ZC3H14: variants seen among roughly 807,000 people sequenced by gnomAD.
ZC3H14 encodes zinc finger CCCH-type containing 14, also known as zinc finger CCCH domain-containing protein 14.
Under a neutral mutation model 92.4 loss-of-function variants are expected in ZC3H14, and 31 were observed. That is an observed-to-expected ratio of 0.34 (90% confidence interval 0.25 to 0.45). The LOEUF is 0.45. Among genes scored for constraint, ZC3H14 ranks in the 20% least tolerant of loss-of-function variants. The probability of loss-of-function intolerance (pLI) is 1.00; values close to 1 mark genes in which losing one functional copy is unlikely to be tolerated. For synonymous variants in ZC3H14, 321 were observed against 300.9 expected (o/e 1.07, Z -0.69); for missense variants, 781 against 897.3 (o/e 0.87, Z 1.66).
intron 16 of ZC3H14, among the ~76,000 whole-genome samples, chr14:88,611,350 C>T (rs1399896961): frequency 6.6e-6 from 1 of 152,138 alleles, no homozygotes. Flanking sequence ...CCACCGTGGC[C>T]TTCCAAAGTA....
At position 88,625,083 on chromosome 14, in the gene ZC3H14, C is replaced by T; in HGVS notation, c.*13332C>T. ...TTCTACACAATATGTGATCTTTCCA[C>T]ACACAGACATCACCACTGATGGTAC... On this transcript the variant is annotated 3_prime_UTR_variant, in exon 17 of 17. Transcript: ENST00000251038. 1.2e-6 allele frequency: 2 copies of T among 1,613,956 alleles called. No homozygotes were observed. Among genetic ancestry groups the T allele is most frequent in the Non-Finnish European group, 1.7e-6 (2 of 1,179,856 alleles).
chr14:88,584,068 A>AGCG (rs1264435695), intron 9 of ZC3H14, among the ~76,000 whole-genome samples: 1 of 139,250 alleles, frequency 7.2e-6, no homozygotes, highest in East Asian at 2.0e-4. Context: ...CCCTCTGCAA[A>AGCG]AAAGATGTTT....
chr14:88,618,144 G>A lies in ZC3H14; in HGVS notation c.*6393G>A. The A allele has an allele frequency of 2.7e-6, 3 of 1,110,204 alleles. No individual in the cohort carries two copies. Among genetic ancestry groups the A allele is most frequent in the Admixed American group, 4.1e-5 (2 of 48,804 alleles). The allele number at this position is 1,110,204 out of a possible 1,614,324, so 68.8% of individuals were successfully genotyped here. ...TGAAACTCAATTACTATTCCTTATT[G>A]GAATGGCTCTAACAGTTCAGAAATA... On this transcript the variant is annotated 3_prime_UTR_variant, in exon 17 of 17. Coordinates refer to ENST00000251038, the MANE Select transcript of ZC3H14 (RefSeq NM_024824.5).
rs1448175817 is a variant in ZC3H14 at position 88,627,377 on chromosome 14, AATAC to A, written c.*15630_*15633del. The A allele has an allele frequency of 2.1e-6, 1 of 476,080 alleles. No individual in the cohort carries two copies. The allele number at this position is 476,080 out of a possible 1,614,324, so 29.5% of individuals were successfully genotyped here. A position where few individuals can be genotyped will look rare whatever the true frequency, so the allele number is the denominator to read the frequency against. Reference sequence around the variant, plus strand: ...AAAACCAATCAAATCATTAATAATAAATACATAGTTTCTTGCTGGAAGAAAATAG... The same window carrying A: ...AAAACCAATCAAATCATTAATAATAAATAGTTTCTTGCTGGAAGAAAATAG... On this transcript the variant is annotated 3_prime_UTR_variant, in exon 17 of 17. Coordinates refer to ENST00000251038, the MANE Select transcript of ZC3H14 (RefSeq NM_024824.5).
In ZC3H14 at chr14:88,594,615, T is replaced by G. The variant is rs570763408; in HGVS notation, c.1280-2119T>G. 2.1e-3 allele frequency: 3,327 copies of G among 1,596,382 alleles called. 5 individuals are homozygous for G. The highest frequency in any genetic ancestry group is 2.4e-3 in the Non-Finnish European group (2,851 of 1,176,204). On this transcript the variant is annotated intron_variant, in intron 9 of 16. Transcript: ENST00000251038. Reference sequence around the variant, plus strand: ...TTAATACGTCTTAAGGTAACAGCCTTGATCACTGCTTTTACTTTCGATGAA... The same window carrying G: ...TTAATACGTCTTAAGGTAACAGCCTGGATCACTGCTTTTACTTTCGATGAA...
Position 88,626,598 on chromosome 14 carries a change from CAG to C in ZC3H14, c.*14850_*14851del. 1 of 481,012 alleles carries C rather than the reference CAG, an allele frequency of 2.1e-6. No homozygotes were observed. Among genetic ancestry groups the C allele is most frequent in the South Asian group, 2.4e-5 (1 of 42,062 alleles). The allele number at this position is 481,012 out of a possible 1,614,324, so 29.8% of individuals were successfully genotyped here. On this transcript the variant is annotated 3_prime_UTR_variant, in exon 17 of 17. Transcript: ENST00000251038. ...CACCATTGCACCCCAGCCCAGGCGA[CAG>C]AGTGAGATACTGTGTCAAAAAAAAA... is the stretch of plus-strand genomic sequence containing the variant.
At chr14:88,565,215 C>G (rs2079410348) in intron 2 of ZC3H14, among the ~76,000 whole-genome samples, 1 of 152,124 alleles carries the variant, frequency 6.6e-6, no homozygotes, top group Non-Finnish European at 1.5e-5. Context: ...GATCTTGGCT[C>G]ACTGCAAGCT....
intron 8 of ZC3H14, among the ~76,000 whole-genome samples, chr14:88,576,736 T>C (rs144541716): frequency 4.6e-4 from 70 of 152,070 alleles, no homozygotes; most frequent in Non-Finnish European, 8.2e-4. Flanking sequence ...ACTCTCTCGC[T>C]TTTTTTTGTG....
chr14:88,590,899 A>G (rs927796879), intron 9 of ZC3H14: 1 of 152,004 alleles, frequency 6.6e-6, no homozygotes, highest in African/African-American at 2.4e-5. Context: ...TGCAGTTTTC[A>G]CAGGGGCTCA....
At chr14:88,582,930 C>G (rs527494150) in intron 9 of ZC3H14, among the ~76,000 whole-genome samples, 2 of 151,940 alleles carry the variant, frequency 1.3e-5, no homozygotes, top group Admixed American at 6.6e-5. Context: ...AGATAGCATT[C>G]TCTCATTTCT....
rs2090100503 is a variant in ZC3H14, at chr14:88,627,591, C to G, written c.*15840C>G. 2 of 1,510,636 alleles carry G rather than the reference C, an allele frequency of 1.3e-6. No homozygotes were observed. The highest frequency in any genetic ancestry group is 8.9e-7 in the Non-Finnish European group (1 of 1,124,330). 93.6% of individuals were successfully genotyped at this position (1,510,636 alleles called of 1,614,324 possible). Reference sequence around the variant, plus strand: ...AAGACAAATATTAAATACAGAATTCCTACTACCTTTGTATTCTTGTTTTTT... The same window carrying G: ...AAGACAAATATTAAATACAGAATTCGTACTACCTTTGTATTCTTGTTTTTT... On this transcript the variant is annotated 3_prime_UTR_variant, in exon 17 of 17. Transcript: ENST00000251038.
chr14:88,583,144 T>A (rs7153153), intron 9 of ZC3H14, among the ~76,000 whole-genome samples: 32,801 of 148,156 alleles, frequency 0.22, 3,579 homozygotes, highest in East Asian at 0.49. Context: ...TTTATTTTTT[T>A]TTTTTAAGAG....
At position 88,574,699 on chromosome 14, in the gene ZC3H14, A is replaced by G; in HGVS notation, c.868A>G (p.Asn290Asp). The G allele has an allele frequency of 1.2e-6, 2 of 1,614,078 alleles. No homozygotes were observed. The highest frequency in any genetic ancestry group is 1.7e-6 in the Non-Finnish European group (2 of 1,179,968). The change falls in exon 7 of 17, where the codon AAC becomes GAC. Residue 290 changes from asparagine (N) to aspartate (D), a missense_variant. Physicochemically the swap from Asn to Asp is conservative, Grantham distance 23. Around this residue, in one of 3 missense-constraint regions of ZC3H14, gnomAD observed 454 missense variants for 438.5 expected, o/e 1.04. Coordinates refer to ENST00000251038, the MANE Select transcript of ZC3H14 (RefSeq NM_024824.5). ...NSEKMSMEDE[N>D]FRKRKLPVVS... ...AAATTTTATCTGATTGCAGGATGAA[A>G]ACTTTCGGAAGAGAAAGTTGCCTGT...
chr14:88,602,832 C>A lies in ZC3H14; in HGVS notation c.1519C>A (p.Leu507Ile). The A allele has an allele frequency of 6.2e-7, 1 of 1,614,092 alleles. No homozygotes were observed. Among genetic ancestry groups the A allele is most frequent in the Non-Finnish European group, 8.5e-7 (1 of 1,179,978 alleles). ...TATTTTTTATCTGTCTGGCAGAGAT[C>A]TTGTACAACCAGATAAACCTGCAAG... ...LSGHLMQTRD[L>I]VQPDKPASPK... The change falls in exon 12 of 17, where the codon CTT (leucine) becomes ATT (isoleucine). Residue 507 changes from leucine to isoleucine, a missense_variant. By Grantham distance (5) the Leu-to-Ile change is conservative (BLOSUM62 2). Coordinates refer to ENST00000251038, the MANE Select transcript of ZC3H14 (RefSeq NM_024824.5).
At chr14:88,586,960 C>G (rs1281961499) in intron 9 of ZC3H14, among the ~76,000 whole-genome samples, 4 of 152,104 alleles carry the variant, frequency 2.6e-5, no homozygotes. Flanking sequence ...TCTTCATTGA[C>G]CAACTAGATA....
intron 9 of ZC3H14, among the ~76,000 whole-genome samples, chr14:88,584,777 CA>C (rs1437119155): frequency 6.6e-6 from 1 of 152,086 alleles, no homozygotes; most frequent in African/African-American, 2.4e-5. Context: ...TGAATAACAC[CA>C]GGGGACCCAT....
intron 9 of ZC3H14, among the ~76,000 whole-genome samples, chr14:88,593,144 T>A (rs1258685800): frequency 2.0e-5 from 3 of 152,016 alleles, no homozygotes; most frequent in African/African-American, 7.2e-5. Context: ...ATTTTTGTAT[T>A]TTTAGCAGAG....
In ZC3H14 at chr14:88,621,547, A is replaced by C; in HGVS notation, c.*9796A>C. Reference sequence around the variant, plus strand: ...CAGAATAGAACTTTTCTGTGGCAGTACACCTGGATTCTTCAATAATCAAAG... The same window carrying C: ...CAGAATAGAACTTTTCTGTGGCAGTCCACCTGGATTCTTCAATAATCAAAG... On this transcript the variant is annotated 3_prime_UTR_variant, in exon 17 of 17. Coordinates refer to ENST00000251038, the MANE Select transcript of ZC3H14 (RefSeq NM_024824.5). The C allele has an allele frequency of 1.9e-6, 1 of 526,194 alleles. No homozygotes were observed. The allele number at this position is 526,194 out of a possible 1,614,324, so 32.6% of individuals were successfully genotyped here.
rs1166113697 is a variant in ZC3H14, at chr14:88,572,167, G to A, written c.373G>A (p.Glu125Lys). The change falls in exon 5 of 17, where the codon GAA becomes AAA. Residue 125 changes from glutamate to lysine, a missense_variant. By Grantham distance (56) the Glu-to-Lys change is moderately conservative. Transcript: ENST00000251038. ...ACTTGCCATTCCTAGCGCGAGACCT[G>A]AAAAAAGAGATTCCAGAGTTTCTAC... The part of the protein sequence containing the change: ...PPLAIPSARP[E>K]KRDSRVSTSS... 1 of 1,613,864 alleles carries A rather than the reference G, an allele frequency of 6.2e-7. No homozygotes were observed. Among genetic ancestry groups the A allele is most frequent in the Non-Finnish European group, 8.5e-7 (1 of 1,179,960 alleles).
Sources: gnomAD v4.1 joint callset for allele counts (sites outside exome capture counted in the v4.1 genomes callset) on GRCh38, gnomAD v4.1.1 for gene constraint, gnomAD v4.1.1 regional missense constraint, MANE v1.5 for transcripts, NCBI Gene and HGNC (gene_info 2026-07-23, HGNC 2026-07-21) for gene names.